Variants in HLCS observed in about 807,000 individuals in gnomAD.
HLCS encodes the protein holocarboxylase synthetase.
A neutral mutation model predicts 75.0 loss-of-function variants in HLCS; 53 were observed. The observed-to-expected ratio is 0.71, with a 90% CI of 0.57 to 0.89. The LOEUF is 0.89. Ranked by LOEUF, HLCS falls within the 40% of genes least tolerant of loss-of-function variation. The probability of loss-of-function intolerance (pLI) is 0.00; values close to 1 mark genes in which losing one functional copy is unlikely to be tolerated. For missense variants in HLCS, 966 were observed against 1,074.0 expected (o/e 0.90, Z 1.41); for synonymous variants, 431 against 428.6 (o/e 1.01, Z -0.07).
At chr21:36,907,511 C>G (rs2065511122) in intron 5 of HLCS, among the ~76,000 whole-genome samples, 1 of 152,034 alleles carries the variant, frequency 6.6e-6, no homozygotes, top group South Asian at 2.1e-4. Context: ...CAAAAATTAG[C>G]CAGGCATGGT....
intron 6 of HLCS, among the ~76,000 whole-genome samples, chr21:36,771,953 C>A (rs1231329719): frequency 1.3e-5 from 2 of 150,240 alleles, no homozygotes; most frequent in Non-Finnish European, 3.0e-5. Context: ...CAGCTGAGAT[C>A]ACACCACTGC....
At chr21:36,956,623 G>A (rs549865467) in intron 2 of HLCS, among the ~76,000 whole-genome samples, 45 of 152,214 alleles carry the variant, frequency 3.0e-4, no homozygotes, top group Non-Finnish European at 4.6e-4. Context: ...CCAGCTACTC[G>A]GGAGGCTGAG....
At chr21:36,812,994 G>C (rs1032943996) in intron 6 of HLCS, among the ~76,000 whole-genome samples, 27 of 152,172 alleles carry the variant, frequency 1.8e-4, no homozygotes, top group Admixed American at 1.6e-3. Context: ...AGGAGTTCAA[G>C]GTTGCAGTGA....
At chr21:36,905,957 C>T (rs189313741) in intron 5 of HLCS, among the ~76,000 whole-genome samples, 3 of 147,882 alleles carry the variant, frequency 2.0e-5, no homozygotes, top group East Asian at 2.0e-4. Context: ...GGCTGAGACA[C>T]GAGAATCACT....
At chr21:36,973,227 CTTTTTTTTTT>C (rs11327894) in intron 1 of HLCS, among the ~76,000 whole-genome samples, 5 of 91,070 alleles carry the variant, frequency 5.5e-5, no homozygotes, top group Non-Finnish European at 1.1e-4. Context: ...AAGACCCTGT[CTTTTTTTTTT>C]TTTTTTTTTT....
intron 6 of HLCS, among the ~76,000 whole-genome samples, chr21:36,810,613 CAT>C (rs2061484203): frequency 6.6e-6 from 1 of 152,124 alleles, no homozygotes; most frequent in Non-Finnish European, 1.5e-5. Context: ...ACCCAGTTTT[CAT>C]AGTTATTTTC....
chr21:36,838,928 G>C (rs2062517768), intron 6 of HLCS, among the ~76,000 whole-genome samples: 1 of 152,190 alleles, frequency 6.6e-6, no homozygotes, highest in Non-Finnish European at 1.5e-5. Flanking sequence ...GTGGCCTCCA[G>C]AACCGACAGA....
chr21:36,756,865 T>C (rs2089624372), intron 9 of HLCS, 110 bp from the exon 10 acceptor site: 3 of 1,580,272 alleles, frequency 1.9e-6, no homozygotes, highest in Admixed American at 3.5e-5. Flanking sequence ...TCCTTCCTTG[T>C]CCTCATTTCA....
At chr21:36,893,202 C>CT (rs1353041770) in intron 6 of HLCS, among the ~76,000 whole-genome samples, 3 of 152,130 alleles carry the variant, frequency 2.0e-5, no homozygotes, top group Non-Finnish European at 4.4e-5. Context: ...TCTTGAGTAG[C>CT]TGGGATTACA....
chr21:36,961,457 C>T (rs2068286043), intron 2 of HLCS, among the ~76,000 whole-genome samples: 1 of 151,952 alleles, frequency 6.6e-6, no homozygotes, highest in Non-Finnish European at 1.5e-5. Flanking sequence ...GAGTTTGAGG[C>T]TTCAGTGAGC....
intron 6 of HLCS, among the ~76,000 whole-genome samples, chr21:36,850,411 G>A (rs2062951836): frequency 6.6e-6 from 1 of 152,142 alleles, no homozygotes; most frequent in Non-Finnish European, 1.5e-5. Flanking sequence ...TGAACACTGG[G>A]TACTAGGTAA....
intron 5 of HLCS, among the ~76,000 whole-genome samples, chr21:36,907,659 A>G (rs758056792): frequency 6.6e-6 from 1 of 152,202 alleles, no homozygotes; most frequent in Non-Finnish European, 1.5e-5. Context: ...CTCAAAAAAA[A>G]AGAGAGAGAA....
chr21:36,850,602 A>G (rs1569099135), intron 6 of HLCS, among the ~76,000 whole-genome samples: 1 of 150,286 alleles, frequency 6.7e-6, no homozygotes, highest in Non-Finnish European at 1.5e-5. Flanking sequence ...TAGCGCCTTG[A>G]GTCCGGAGAC....
intron 4 of HLCS, among the ~76,000 whole-genome samples, chr21:36,933,551 C>CAAAAA (rs66614497): frequency 7.1e-5 from 6 of 84,062 alleles, no homozygotes; most frequent in African/African-American, 9.5e-5. Context: ...AACTCCGTCT[C>CAAAAA]AAAAAAAAAA....
At chr21:36,764,750 C>T (rs888794146) in intron 8 of HLCS, among the ~76,000 whole-genome samples, 3 of 152,122 alleles carry the variant, frequency 2.0e-5, no homozygotes, top group African/African-American at 4.8e-5. Flanking sequence ...AAAACTAAAG[C>T]GTTGCCCTCA....
chr21:36,862,237 C>T (rs529348371), intron 6 of HLCS, among the ~76,000 whole-genome samples: 4 of 152,314 alleles, frequency 2.6e-5, no homozygotes, highest in East Asian at 3.9e-4. Context: ...TATCATGAAG[C>T]GTGATGCCAT....
chr21:36,785,119 G>A (rs2145853376), intron 6 of HLCS, among the ~76,000 whole-genome samples: 1 of 151,980 alleles, frequency 6.6e-6, no homozygotes, highest in East Asian at 1.9e-4. Context: ...GAAAACCAGT[G>A]TGCCTTTCAC....
At chr21:36,774,842 T>C (rs1476469583) in intron 6 of HLCS, among the ~76,000 whole-genome samples, 1 of 152,206 alleles carries the variant, frequency 6.6e-6, no homozygotes, top group Non-Finnish European at 1.5e-5. Flanking sequence ...GCTGACTTTG[T>C]TTAGGTGACT....
chr21:36,872,282 G>C (rs565776710), intron 6 of HLCS, among the ~76,000 whole-genome samples: 2 of 151,884 alleles, frequency 1.3e-5, no homozygotes, highest in African/African-American at 4.8e-5. Context: ...AATTAGCCAG[G>C]CGTGGTGGCG....
Sources: allele counts gnomAD v4.1 joint callset (sites outside exome capture counted in the v4.1 genomes callset), GRCh38; gene constraint gnomAD v4.1.1; transcripts MANE v1.5; gene names NCBI Gene and HGNC (gene_info 2026-07-23, HGNC 2026-07-21).